The following ENOX1 variants were observed in gnomAD, a reference collection of about 807,000 sequenced individuals.
The protein encoded by ENOX1 is ecto-NOX disulfide-thiol exchanger 1.
In ENOX1, 42 loss-of-function variants were observed where a neutral mutation model predicts 82.5. The ratio of observed to expected loss-of-function variants is 0.51; its 90% confidence interval spans 0.40 to 0.66. The LOEUF (loss-of-function observed/expected upper bound fraction) is 0.66, where lower values mean the gene tolerates loss of function less well. ENOX1 is among the 30% of genes least tolerant of loss of function. ENOX1 has a pLI of 0.00. For missense variants in ENOX1, 608 were observed against 811.6 expected, an observed-to-expected ratio of 0.75 and a Z score of 3.05; for synonymous variants, 271 against 282.2, an observed-to-expected ratio of 0.96 and a Z score of 0.40.
At chr13:43,600,129 G>A (rs764267231) in intron 2 of ENOX1, among the ~76,000 whole-genome samples, 5 of 152,174 alleles carry the variant, frequency 3.3e-5, no homozygotes, top group East Asian at 1.9e-4. Context: ...GACCCCTTAC[G>A]CTTGAGAAAA....
chr13:43,553,158 C>A (rs2079278984), intron 2 of ENOX1, among the ~76,000 whole-genome samples: 1 of 151,998 alleles, frequency 6.6e-6, no homozygotes. Context: ...GGGAATGGCA[C>A]ACAAAAACGA....
Position 43,327,554 on chromosome 13 carries a change from T to C in ENOX1, c.1037-1029A>G, listed in dbSNP as rs9567150. Among the ~76,000 whole-genome samples the C allele has an allele frequency of 4.2e-4, 64 of 152,344 alleles. 1 individual carries two copies. The East Asian group carries it at 0.012, about 28-fold the overall frequency. The stretch of plus-strand genomic sequence containing the variant: ...AAATTAAAGCACTAAATTAATCATA[T>C]GATTAAACCTGAACTTCTAAATTTT... On this transcript the variant is annotated intron_variant, in intron 9 of 16. Coordinates refer to ENST00000690772, the MANE Select transcript of ENOX1 (RefSeq NM_001347969.2).
In ENOX1 at chr13:43,605,896, C is replaced by T. The variant is rs570841911; in HGVS notation, c.-219+61583G>A. On this transcript the variant is annotated intron_variant, in intron 2 of 16. Transcript: ENST00000690772. ...CCCAAAGAATGGGAGAAAATATTTG[C>T]AAACTATCTATCTGACAAGGGATTA... 3.1e-4 allele frequency among the ~76,000 whole-genome samples: 47 copies of T among 152,212 alleles called. No individual in the cohort carries two copies. The South Asian group carries it at 9.6e-3, about 31-fold the overall frequency.
chr13:43,529,582 C>A (rs1402039425), intron 2 of ENOX1, among the ~76,000 whole-genome samples: 1 of 151,984 alleles, frequency 6.6e-6, no homozygotes, highest in Admixed American at 6.6e-5. Context: ...AAAGTTATGG[C>A]CTCAGTGTGT....
At chr13:43,475,899 A>G (rs147249388) in intron 3 of ENOX1, among the ~76,000 whole-genome samples, 2 of 152,116 alleles carry the variant, frequency 1.3e-5, no homozygotes, top group African/African-American at 2.4e-5. Context: ...AAATTTTACC[A>G]TAAAGGACAC....
intron 3 of ENOX1, among the ~76,000 whole-genome samples, chr13:43,415,551 C>T (rs1483839528): frequency 5.3e-5 from 8 of 152,172 alleles, no homozygotes; most frequent in Admixed American, 3.9e-4. Flanking sequence ...TTTCAGAGAG[C>T]ACAGGGTTGG....
In ENOX1 at chr13:43,417,240, G is replaced by GAGGGA. The variant is rs1433311558; in HGVS notation, c.-74-4253_-74-4252insTCCCT. Reference sequence around the variant, plus strand: ...GGGAGACGGGAGACGGGAGACGGGAGACGGGAGAGGGAGAGGGAGAGGGAG... The same window carrying GAGGGA: ...GGGAGACGGGAGACGGGAGACGGGAGAGGGAACGGGAGAGGGAGAGGGAGAGGGAG... On this transcript the variant is annotated intron_variant, in intron 3 of 16. Transcript: ENST00000690772. 8.8e-3 allele frequency among the ~76,000 whole-genome samples: 276 copies of GAGGGA among 31,424 alleles called. 14 individuals are homozygous for GAGGGA. Among genetic ancestry groups the GAGGGA allele is most frequent in the African/African-American group, 0.025 (272 of 10,672 alleles). The allele number at this position is 31,424 out of a possible 152,430, so 20.6% of individuals were successfully genotyped here.
chr13:43,320,954 C>T (rs764500199), intron 11 of ENOX1: 1 of 377,726 alleles, frequency 2.6e-6, no homozygotes, highest in Non-Finnish European at 5.3e-6. Context: ...ATAAACAAAC[C>T]CAAGAGTAAA....
At chr13:43,479,465 T>C (rs1250531517) in intron 3 of ENOX1, among the ~76,000 whole-genome samples, 2 of 152,200 alleles carry the variant, frequency 1.3e-5, no homozygotes, top group Non-Finnish European at 2.9e-5. Context: ...TCCAAGCCTG[T>C]CTCCATCTCC....
At chr13:43,711,748 A>G (rs373781350) in intron 1 of ENOX1, among the ~76,000 whole-genome samples, 2,145 of 149,332 alleles carry the variant, frequency 0.014, 58 homozygotes, top group African/African-American at 0.052. Context: ...CATATCCTTC[A>G]CCCACTTTTT....
chr13:43,706,572 A>G (rs1328428659), intron 1 of ENOX1, among the ~76,000 whole-genome samples: 1 of 152,118 alleles, frequency 6.6e-6, no homozygotes, highest in East Asian at 1.9e-4. Flanking sequence ...ATTTTTCCCA[A>G]AAATACAAGA....
intron 2 of ENOX1, among the ~76,000 whole-genome samples, chr13:43,634,464 T>C (rs1425492496): frequency 6.6e-6 from 1 of 152,174 alleles, no homozygotes; most frequent in Admixed American, 6.5e-5. Flanking sequence ...GGATAGTAAA[T>C]TTCTGGGAGA....
At chr13:43,722,471 G>A (rs1296539279) in intron 1 of ENOX1, among the ~76,000 whole-genome samples, 1 of 152,144 alleles carries the variant, frequency 6.6e-6, no homozygotes, top group Non-Finnish European at 1.5e-5. Context: ...AAGTAAATGT[G>A]GGCCTGCCTG....
intron 2 of ENOX1, among the ~76,000 whole-genome samples, chr13:43,538,714 GTCC>G (rs1481395023): frequency 2.0e-5 from 3 of 152,120 alleles, no homozygotes; most frequent in Non-Finnish European, 4.4e-5. Flanking sequence ...CTATAATGAT[GTCC>G]TCCTCTTTTT....
At chr13:43,356,703 C>T (rs569994719) in intron 7 of ENOX1, among the ~76,000 whole-genome samples, 25 of 152,294 alleles carry the variant, frequency 1.6e-4, no homozygotes, top group Admixed American at 2.6e-4. Flanking sequence ...CTGCTCAATT[C>T]TCTCTCAGCA....
intron 8 of ENOX1, among the ~76,000 whole-genome samples, chr13:43,354,987 G>T (rs1266224438): frequency 2.6e-5 from 4 of 152,116 alleles, no homozygotes; most frequent in East Asian, 1.9e-4. Context: ...CATTTACCTT[G>T]GTTGACAATC....
chr13:43,411,192 GT>G (rs1450688916), intron 5 of ENOX1, among the ~76,000 whole-genome samples: 1 of 151,982 alleles, frequency 6.6e-6, no homozygotes, highest in African/African-American at 2.4e-5. Context: ...TTGGTGTTTT[GT>G]TTTGTTTTTT....
intron 12 of ENOX1, among the ~76,000 whole-genome samples, chr13:43,285,571 C>T (rs554843735): frequency 3.2e-4 from 49 of 151,416 alleles, no homozygotes; most frequent in Non-Finnish European, 5.9e-4. Context: ...TTTTTTTTGC[C>T]GAGGCAGGCA....
intron 2 of ENOX1, among the ~76,000 whole-genome samples, chr13:43,538,982 C>A (rs577556111): frequency 1.1e-4 from 16 of 152,090 alleles, no homozygotes; most frequent in African/African-American, 3.6e-4. Flanking sequence ...TGTCATCATG[C>A]CCAGCTAATT....
Sources: gnomAD v4.1 joint callset for allele counts (sites outside exome capture counted in the v4.1 genomes callset) on GRCh38, gnomAD v4.1.1 for gene constraint, MANE v1.5 for transcripts, NCBI Gene and HGNC (gene_info 2026-07-23, HGNC 2026-07-21) for gene names.